The following CDK19 variants were observed in gnomAD, a reference collection of about 807,000 sequenced individuals.
CDK19 encodes the protein cyclin-dependent kinase 19.
In CDK19, 20 loss-of-function variants were observed where a neutral mutation model predicts 68.3. The ratio of observed to expected loss-of-function variants is 0.29; its 90% CI spans 0.21 to 0.43. The LOEUF (loss-of-function observed/expected upper bound fraction) is 0.43. CDK19 is among the 20% of genes least tolerant of loss of function. CDK19 has a pLI of 1.00. For synonymous variants in CDK19, 221 were observed against 222.8 expected (o/e 0.99, Z 0.07); for missense variants, 339 against 623.5 (o/e 0.54, Z 4.86).
intron 2 of CDK19, among the ~76,000 whole-genome samples, chr6:110,710,284 T>C (rs555765295): frequency 1.2e-3 from 187 of 152,324 alleles, no homozygotes; most frequent in Middle Eastern, 6.8e-3. Flanking sequence ...AGATCTGTTC[T>C]GGCTCTTCAG....
intron 1 of CDK19, among the ~76,000 whole-genome samples, chr6:110,798,110 G>A (rs1036441108): frequency 1.3e-4 from 20 of 151,746 alleles, no homozygotes; most frequent in African/African-American, 4.8e-4. Context: ...ATATGAGTCA[G>A]ATGTACCGTA....
intron 6 of CDK19, among the ~76,000 whole-genome samples, chr6:110,631,289 C>T (rs1779420829): frequency 6.6e-6 from 1 of 152,196 alleles, no homozygotes. Flanking sequence ...CTCCCCTACT[C>T]TCTCCTTTTC....
At chr6:110,803,947 A>G (rs1419445309) in intron 1 of CDK19, among the ~76,000 whole-genome samples, 1 of 152,172 alleles carries the variant, frequency 6.6e-6, no homozygotes, top group East Asian at 1.9e-4. Context: ...CCTGGGTGAC[A>G]AGAGCAAGAC....
At chr6:110,652,050 G>A (rs1048183187) in intron 4 of CDK19, among the ~76,000 whole-genome samples, 5 of 151,646 alleles carry the variant, frequency 3.3e-5, no homozygotes, top group Admixed American at 6.6e-5. Context: ...CTCCAGCCTG[G>A]GCAACAGAGC....
At chr6:110,692,066 C>T (rs1332494476) in intron 2 of CDK19, among the ~76,000 whole-genome samples, 1 of 151,354 alleles carries the variant, frequency 6.6e-6, no homozygotes, top group Non-Finnish European at 1.5e-5. Context: ...GAGGCCAAGG[C>T]GGGCAGATCA....
intron 1 of CDK19, among the ~76,000 whole-genome samples, chr6:110,782,857 C>T (rs1459082134): frequency 6.6e-6 from 1 of 152,172 alleles, no homozygotes; most frequent in Non-Finnish European, 1.5e-5. Flanking sequence ...TCTAGACATC[C>T]TGAATGACTT....
chr6:110,709,687 A>C (rs188804374), intron 2 of CDK19, among the ~76,000 whole-genome samples: 6 of 152,294 alleles, frequency 3.9e-5, no homozygotes, highest in African/African-American at 1.4e-4. Flanking sequence ...TTACATTTGC[A>C]AGATAATAAA....
chr6:110,757,485 A>G (rs1209246973), intron 1 of CDK19, among the ~76,000 whole-genome samples: 1 of 152,198 alleles, frequency 6.6e-6, no homozygotes, highest in Non-Finnish European at 1.5e-5. Flanking sequence ...AATAGCTATA[A>G]AAGTTTACTT....
At chr6:110,760,013 T>G (rs1449682978) in intron 1 of CDK19, among the ~76,000 whole-genome samples, 3 of 152,136 alleles carry the variant, frequency 2.0e-5, no homozygotes, top group Non-Finnish European at 4.4e-5. Flanking sequence ...AAACAAAAAG[T>G]AATACTATCC....
intron 8 of CDK19, among the ~76,000 whole-genome samples, chr6:110,626,398 G>A (rs148631130): frequency 2.6e-4 from 40 of 152,208 alleles, no homozygotes; most frequent in Middle Eastern, 3.4e-3. Flanking sequence ...TGTACACTAT[G>A]GTTTGAATGT....
intron 2 of CDK19, among the ~76,000 whole-genome samples, chr6:110,693,100 G>T (rs969948359): frequency 1.3e-4 from 20 of 152,332 alleles, no homozygotes; most frequent in African/African-American, 4.6e-4. Flanking sequence ...TGACGGATAG[G>T]AGACAGGACT....
rs1346287578 is a variant in CDK19 at position 110,759,417 on chromosome 6, A to AT, written c.129-13217_129-13216insA. Among the ~76,000 whole-genome samples, 871 of 120,088 alleles carry AT rather than the reference A, an allele frequency of 7.3e-3. 12 individuals are homozygous for AT. Among genetic ancestry groups the AT allele is most frequent in the African/African-American group, 0.031 (838 of 27,416 alleles). 78.8% of individuals were successfully genotyped at this position (120,088 alleles called of 152,430 possible). Reference sequence around the variant, plus strand: ...GAGACTCCGTCTTAAAAAAAAAAAAAAAAAAAAAAAAATATATATATATAT... The same window carrying AT: ...GAGACTCCGTCTTAAAAAAAAAAAAATAAAAAAAAAAAATATATATATATAT... On this transcript the variant is annotated intron_variant, in intron 1 of 12. Coordinates refer to ENST00000368911, the MANE Select transcript of CDK19 (RefSeq NM_015076.5).
intron 4 of CDK19, among the ~76,000 whole-genome samples, chr6:110,641,018 A>G (rs1356312087): frequency 6.6e-6 from 1 of 152,196 alleles, no homozygotes; most frequent in Non-Finnish European, 1.5e-5. Flanking sequence ...CATACTAGCC[A>G]GAGGAGTGAG....
chr6:110,741,839 G>A (rs923176003), intron 2 of CDK19, among the ~76,000 whole-genome samples: 2 of 152,088 alleles, frequency 1.3e-5, no homozygotes, highest in Non-Finnish European at 2.9e-5. Flanking sequence ...GAAGAGCTGG[G>A]TAAGACAGAA....
intron 1 of CDK19, among the ~76,000 whole-genome samples, chr6:110,756,160 C>A (rs1308314189): frequency 6.6e-6 from 1 of 152,006 alleles, no homozygotes; most frequent in Non-Finnish European, 1.5e-5. Flanking sequence ...GAGGCTGAGG[C>A]AGGCACATCA....
At chr6:110,746,236 T>C (rs764040879) in intron 1 of CDK19, 35 bp from the exon 2 acceptor site, 2 of 1,308,186 alleles carry the variant, frequency 1.5e-6, no homozygotes, top group Non-Finnish European at 2.2e-6. Context: ...TTTTTCCATA[T>C]ATCACTTTCA....
At chr6:110,802,547 A>T (rs1782415205) in intron 1 of CDK19, among the ~76,000 whole-genome samples, 1 of 152,210 alleles carries the variant, frequency 6.6e-6, no homozygotes, top group African/African-American at 2.4e-5. Context: ...CAGAGGAAAA[A>T]GGGTTGAAAA....
At chr6:110,804,948 T>C (rs1362719154) in intron 1 of CDK19, among the ~76,000 whole-genome samples, 1 of 151,624 alleles carries the variant, frequency 6.6e-6, no homozygotes, top group African/African-American at 2.4e-5. Context: ...AGAACAAGAC[T>C]TCGTCTCAAA....
chr6:110,706,404 G>GTTTTTTTTTTTT (rs774904075), intron 2 of CDK19: 1 of 71,064 alleles, frequency 1.4e-5, no homozygotes, highest in Non-Finnish European at 2.6e-5. Context: ...TAACACTGTT[G>GTTTTTTTTTTTT]TTTTTTTTTT....
Sources: allele counts gnomAD v4.1 joint callset (sites outside exome capture counted in the v4.1 genomes callset), GRCh38; gene constraint gnomAD v4.1.1; transcripts MANE v1.5; gene names NCBI Gene and HGNC (gene_info 2026-07-23, HGNC 2026-07-21).